BPIFC: variants seen among roughly 807,000 people sequenced by gnomAD.
BPIFC encodes the protein BPI fold containing family C.
A neutral mutation model predicts 57.6 loss-of-function variants in BPIFC; 60 were observed. That is an observed-to-expected ratio of 1.04 (90% CI 0.85 to 1.29). The LOEUF is 1.29. BPIFC is among the 50% of genes most tolerant of loss of function. The pLI is 0.00. For missense variants in BPIFC, 581 were observed against 600.5 expected (o/e 0.97, Z 0.34); for synonymous variants, 243 against 224.5 (o/e 1.08, Z -0.74).
intron 2 of BPIFC, among the ~76,000 whole-genome samples, chr22:32,460,284 C>T (rs1029054902): frequency 6.6e-6 from 1 of 152,164 alleles, no homozygotes; most frequent in Admixed American, 6.5e-5. Context: ...AGGAAAACCC[C>T]ACACCAGTGT....
intron 13 of BPIFC, among the ~76,000 whole-genome samples, chr22:32,421,948 A>G (rs79954185): frequency 0.018 from 2,804 of 152,298 alleles, 32 homozygotes; most frequent in African/African-American, 0.033. Flanking sequence ...TGAAGGATGA[A>G]TAAGATTCAA....
chr22:32,461,652 T>C lies in BPIFC; in HGVS notation c.-79A>G, dbSNP rs1052503133. ...TCCTTTAGTTGCCCTTGGAGGTTAG[T>C]CAAGGTGTCCTGGAAAGGGGGATAA... On this transcript the variant is annotated 5_prime_UTR_variant, in exon 2 of 17. Transcript: ENST00000300399. The C allele has an allele frequency of 6.0e-5, 59 of 985,310 alleles. No homozygotes were observed. Among genetic ancestry groups the C allele is most frequent in the Non-Finnish European group, 6.7e-5 (56 of 829,988 alleles). The allele number at this position is 985,310 out of a possible 1,614,324, so 61.0% of individuals were successfully genotyped here. A position where few individuals can be genotyped will look rare whatever the true frequency, so the allele number is the denominator to read the frequency against.
intron 13 of BPIFC, among the ~76,000 whole-genome samples, chr22:32,424,540 G>C (rs1416738332): frequency 6.7e-6 from 1 of 148,390 alleles, no homozygotes; most frequent in African/African-American, 2.5e-5. Context: ...AGGGTATAAA[G>C]GTATTTATTT....
chr22:32,435,705 T>G lies in BPIFC; in HGVS notation c.923A>C (p.Glu308Ala). The G allele has an allele frequency of 6.2e-7, 1 of 1,613,084 alleles. No homozygotes were observed. Among genetic ancestry groups the G allele is most frequent in the Middle Eastern group, 1.7e-4 (1 of 6,058 alleles). The change falls in exon 10 of 17, where the codon GAG becomes GCG. Residue 308 changes from glutamate (E) to alanine (A), a missense_variant and splice_region_variant. By Grantham distance (107) the Glu-to-Ala change is moderately radical. Coordinates refer to ENST00000300399, the MANE Select transcript of BPIFC (RefSeq NM_174932.3). ...GVFNVTLSTE[E>A]ISNHFVQNSQ... ...ACATCCTCAGTTAACTCTCCTCACC[T>G]CTTCGGTGGAGAGAGTGACATTGAA...
At position 32,431,216 on chromosome 22, in the gene BPIFC, C is replaced by T. The variant is rs909416019; in HGVS notation, c.1217+131G>A. On this transcript the variant is annotated intron_variant, in intron 13 of 16. Transcript: ENST00000300399. ...GCAACCTCTGCCTCCCGGGTTCAAGCGATTCTCCTGCCTCAGCCTCCTGAG... is the reference window on the plus strand; with the variant it reads ...GCAACCTCTGCCTCCCGGGTTCAAGTGATTCTCCTGCCTCAGCCTCCTGAG... The T allele has an allele frequency of 5.9e-5, 41 of 693,980 alleles. 1 individual carries two copies. The South Asian group carries it at 6.0e-4, about 10-fold the overall frequency. 43.0% of individuals were successfully genotyped at this position (693,980 alleles called of 1,614,324 possible). A position where few individuals can be genotyped will look rare whatever the true frequency, so the allele number is the denominator to read the frequency against.
chr22:32,423,869 C>G (rs1264259709), intron 13 of BPIFC, among the ~76,000 whole-genome samples: 2 of 151,732 alleles, frequency 1.3e-5, no homozygotes, highest in African/African-American at 4.8e-5. Flanking sequence ...CCAAACTGTA[C>G]TGAGGTTGCC....
intron 13 of BPIFC, among the ~76,000 whole-genome samples, chr22:32,422,056 C>G (rs545254968): frequency 3.3e-5 from 5 of 152,092 alleles, no homozygotes; most frequent in Non-Finnish European, 1.5e-5. Context: ...CAGGGCGATG[C>G]GAGAGGCAGA....
At chr22:32,419,825 CAG>C (rs1197426047) in intron 13 of BPIFC, among the ~76,000 whole-genome samples, 1,824 of 113,318 alleles carry the variant, frequency 0.016, 44 homozygotes, top group African/African-American at 0.056. Flanking sequence ...AAAAAAAAAA[CAG>C]ATAAAAATAA....
intron 8 of BPIFC, among the ~76,000 whole-genome samples, chr22:32,438,372 T>C (rs1934469631): frequency 6.6e-6 from 1 of 152,186 alleles, no homozygotes; most frequent in Admixed American, 6.5e-5. Flanking sequence ...ACACACAAAA[T>C]GCATGTATAG....
At chr22:32,427,593 G>A (rs1228498491) in intron 13 of BPIFC, among the ~76,000 whole-genome samples, 2 of 152,082 alleles carry the variant, frequency 1.3e-5, no homozygotes, top group Admixed American at 6.6e-5. Flanking sequence ...CTCAGGCAAT[G>A]CTATCCAGAT....
At chr22:32,424,679 T>C (rs1422028614) in intron 13 of BPIFC, among the ~76,000 whole-genome samples, 23 of 92,326 alleles carry the variant, frequency 2.5e-4, no homozygotes, top group Admixed American at 5.8e-4. Flanking sequence ...TTCTTCTTCT[T>C]CTTCTTCTTC....
chr22:32,463,758 A>G lies in BPIFC; in HGVS notation c.-89+616T>C, dbSNP rs551166268. On this transcript the variant is annotated intron_variant, in intron 1 of 16. Transcript: ENST00000300399. ...ATCGACAGGTATGGAACGTGGGCAGAATATTTCAAGGGATCCACTCCTCAC... is the reference window on the plus strand; with the variant it reads ...ATCGACAGGTATGGAACGTGGGCAGGATATTTCAAGGGATCCACTCCTCAC... Among the ~76,000 whole-genome samples the G allele has an allele frequency of 3.9e-5, 6 of 152,336 alleles. No individual in the cohort carries two copies. The South Asian group carries it at 1.2e-3, about 32-fold the overall frequency.
At chr22:32,427,528 C>G in intron 13 of BPIFC, among the ~76,000 whole-genome samples, 1 of 152,140 alleles carries the variant, frequency 6.6e-6, no homozygotes, top group Non-Finnish European at 1.5e-5. Flanking sequence ...CCTTTCCTTT[C>G]CTCCTGGTTC....
intron 1 of BPIFC, among the ~76,000 whole-genome samples, chr22:32,462,198 G>GA (rs1157717599): frequency 6.6e-4 from 79 of 119,094 alleles, no homozygotes; most frequent in Middle Eastern, 5.1e-3. Flanking sequence ...AAAGAAAAAA[G>GA]AAAAAAAAGA....
At chr22:32,446,894 A>C in intron 5 of BPIFC, 1 of 769,072 alleles carries the variant, frequency 1.3e-6, no homozygotes, top group Non-Finnish European at 1.6e-6. Flanking sequence ...CTGGCTCAAG[A>C]TCATGCAGTG....
intron 3 of BPIFC, among the ~76,000 whole-genome samples, chr22:32,456,105 T>G (rs1224704844): frequency 2.0e-5 from 3 of 152,262 alleles, no homozygotes; most frequent in Non-Finnish European, 4.4e-5. Flanking sequence ...ATCTGTTCTT[T>G]TAATGACTCT....
intron 14 of BPIFC, 79 bp downstream of exon 14, chr22:32,419,283 C>T (rs1352658797): frequency 1.2e-5 from 17 of 1,442,332 alleles, no homozygotes; most frequent in Non-Finnish European, 1.5e-5. Flanking sequence ...TCACAGAAAA[C>T]AATTAATTCG....
Position 32,432,441 on chromosome 22 carries a change from G to T in BPIFC, c.1081C>A (p.Pro361Thr). 1 of 1,614,104 alleles carries T rather than the reference G, an allele frequency of 6.2e-7. No homozygotes were observed. Among genetic ancestry groups the T allele is most frequent in the Non-Finnish European group, 8.5e-7 (1 of 1,180,022 alleles). Residue 361 changes from proline (P) to threonine (T), a missense_variant, in exon 12 of 17, where the codon CCT becomes ACT. Coordinates refer to ENST00000300399, the MANE Select transcript of BPIFC (RefSeq NM_174932.3). ...TGGGTGAGCATCATGATGGAGGCAG[G>T]GATGTCCAGGGTGAAATTGCCTGGT... is the stretch of plus-strand genomic sequence containing the variant. The part of the protein sequence containing the change: ...LQPGNFTLDI[P>T]ASIMMLTQPK...
chr22:32,431,372 G>A lies in BPIFC; in HGVS notation c.1192C>T (p.Leu398=). 3 of 1,604,424 alleles carry A rather than the reference G, an allele frequency of 1.9e-6. No homozygotes were observed. The highest frequency in any genetic ancestry group is 2.6e-6 in the Non-Finnish European group (3 of 1,173,540). Residue 398 remains leucine (L), a synonymous_variant, in exon 13 of 17, where the codon CTG becomes TTG. Transcript: ENST00000300399. ...SVGLVILGQR[L]VCSLSLNRFR... ...CTGTTCAGAGACAAGGAGCAGACCA[G>A]TCTTTGTCCCAAAATAACCAGGCCA...
Sources: allele counts gnomAD v4.1 joint callset (sites outside exome capture counted in the v4.1 genomes callset), GRCh38; gene constraint gnomAD v4.1.1; transcripts MANE v1.5; gene names NCBI Gene and HGNC (gene_info 2026-07-23, HGNC 2026-07-21).